Variants in GPC3 observed in about 807,000 individuals in gnomAD.
GPC3 encodes the protein glypican 3, also known as glypican-3.
A neutral mutation model predicts 34.4 loss-of-function variants in GPC3; 3 were observed. The observed-to-expected ratio is 0.09, with a 90% CI of 0.04 to 0.23. GPC3 has a LOEUF of 0.23. Among genes scored for constraint, GPC3 ranks in the 10% least tolerant of loss-of-function variants. The pLI is 1.00. For synonymous variants in GPC3, 177 were observed against 174.0 expected, an observed-to-expected ratio of 1.02 and a Z score of -0.13; for missense variants, 351 against 445.6, an observed-to-expected ratio of 0.79 and a Z score of 1.91.
At chrX:133,686,648 T>G (rs2071005531) in intron 5 of GPC3, among the ~76,000 whole-genome samples, 1 of 110,667 alleles carries the variant, frequency 9.0e-6, no homozygotes, top group Non-Finnish European at 1.9e-5. Flanking sequence ...GGTTTCCTTT[T>G]GGAGTGATGA....
chrX:133,611,935 G>A (rs1053527754), intron 6 of GPC3, among the ~76,000 whole-genome samples: 1 of 112,199 alleles, frequency 8.9e-6, no homozygotes, highest in Non-Finnish European at 1.9e-5. Flanking sequence ...CCATCTGTGA[G>A]CTGGCAATGA....
chrX:133,822,414 T>G (rs750319707), intron 2 of GPC3, among the ~76,000 whole-genome samples: 2 of 111,944 alleles, frequency 1.8e-5, no homozygotes, highest in South Asian at 7.5e-4. Context: ...AAGTTCTTAA[T>G]AAGGAAAGAG....
At chrX:133,879,289 G>A (rs947647460) in intron 2 of GPC3, among the ~76,000 whole-genome samples, 1 of 110,897 alleles carries the variant, frequency 9.0e-6, no homozygotes, top group Non-Finnish European at 1.9e-5. Context: ...TTCATTCCAT[G>A]TATAGAGTCC....
At chrX:133,873,221 A>G (rs2076001313) in intron 2 of GPC3, among the ~76,000 whole-genome samples, 2 of 112,186 alleles carry the variant, frequency 1.8e-5, no homozygotes, top group Admixed American at 1.9e-4. Flanking sequence ...CTGCCATCCC[A>G]GAAGTTTACT....
chrX:133,681,200 A>G (rs2070939581), intron 5 of GPC3, among the ~76,000 whole-genome samples: 1 of 111,848 alleles, frequency 8.9e-6, no homozygotes, highest in East Asian at 2.8e-4. Flanking sequence ...ATCTCCTGGA[A>G]TCTTTTCAAC....
At chrX:133,717,344 C>T (rs2071324144) in intron 3 of GPC3, among the ~76,000 whole-genome samples, 1 of 111,010 alleles carries the variant, frequency 9.0e-6, no homozygotes, top group African/African-American at 3.3e-5. Context: ...TTGTCTTATG[C>T]CCAATTTCTG....
At chrX:133,948,707 C>T (rs1023117378) in intron 2 of GPC3, among the ~76,000 whole-genome samples, 2 of 111,846 alleles carry the variant, frequency 1.8e-5, no homozygotes, top group Admixed American at 1.9e-4. Context: ...TTGCTCCTGG[C>T]AGTATTGACA....
intron 7 of GPC3, among the ~76,000 whole-genome samples, chrX:133,559,946 T>G (rs2069527442): frequency 1.8e-5 from 2 of 111,201 alleles, no homozygotes; most frequent in African/African-American, 6.6e-5. Flanking sequence ...TCATCTCTCT[T>G]TTTCTCTCTC....
intron 2 of GPC3, among the ~76,000 whole-genome samples, chrX:133,882,504 A>T (rs1454142733): frequency 9.0e-6 from 1 of 110,555 alleles, no homozygotes; most frequent in African/African-American, 3.3e-5. Flanking sequence ...CTTGATTTCT[A>T]TTTAAATGGC....
At chrX:133,747,143 C>G (rs975831518) in intron 3 of GPC3, among the ~76,000 whole-genome samples, 4 of 111,868 alleles carry the variant, frequency 3.6e-5, no homozygotes, top group African/African-American at 9.8e-5. Flanking sequence ...ATACCAAGGA[C>G]ACTCCGTACT....
chrX:133,844,988 G>A lies in GPC3; in HGVS notation c.338-90812C>T, dbSNP rs192948720. Among the ~76,000 whole-genome samples, 65 of 111,587 alleles carry A rather than the reference G, an allele frequency of 5.8e-4. 1 individual carries two copies. Among genetic ancestry groups the A allele is most frequent in the African/African-American group, 2.0e-3 (61 of 30,731 alleles). On this transcript the variant is annotated intron_variant, in intron 2 of 7. Coordinates refer to ENST00000370818, the MANE Select transcript of GPC3 (RefSeq NM_004484.4). ...GCCTGAGGGTCCCAGTTCAGAAGAC[G>A]GGGAGGTTGTAGGTAACAGCAGAAG...
At chrX:133,946,103 C>T (rs2076367210) in intron 2 of GPC3, among the ~76,000 whole-genome samples, 1 of 112,208 alleles carries the variant, frequency 8.9e-6, no homozygotes, top group African/African-American at 3.2e-5. Context: ...GAATCCCCCA[C>T]AGTACCTGCC....
intron 2 of GPC3, among the ~76,000 whole-genome samples, chrX:133,816,799 T>A (rs2075694016): frequency 9.0e-6 from 1 of 111,493 alleles, no homozygotes; most frequent in African/African-American, 3.3e-5. Context: ...AATCTATATA[T>A]CTCCACCCTC....
chrX:133,970,424 G>C, intron 1 of GPC3, among the ~76,000 whole-genome samples: 1 of 110,803 alleles, frequency 9.0e-6, no homozygotes, highest in East Asian at 2.8e-4. Context: ...GGTACTAATT[G>C]TTATTCCTGA....
intron 2 of GPC3, among the ~76,000 whole-genome samples, chrX:133,926,510 A>G (rs2076275300): frequency 8.9e-6 from 1 of 112,650 alleles, no homozygotes; most frequent in Admixed American, 9.4e-5. Flanking sequence ...CACACTCCAA[A>G]TGTGGATTAT....
At chrX:133,584,044 G>T (rs182617167) in intron 7 of GPC3, among the ~76,000 whole-genome samples, 82 of 111,570 alleles carry the variant, frequency 7.3e-4, no homozygotes, top group Admixed American at 1.3e-3. Context: ...CCACTCAGCT[G>T]AGTCCTTACT....
chrX:133,645,012 C>A (rs2070526781), intron 6 of GPC3, among the ~76,000 whole-genome samples: 1 of 111,729 alleles, frequency 9.0e-6, no homozygotes, highest in Admixed American at 9.5e-5. Flanking sequence ...AACTTCTGAC[C>A]TCAAGTGATC....
At chrX:133,710,319 C>G (rs1358150925) in intron 3 of GPC3, among the ~76,000 whole-genome samples, 2 of 111,949 alleles carry the variant, frequency 1.8e-5, no homozygotes, top group Non-Finnish European at 3.8e-5. Context: ...TTCAATAACT[C>G]TAGACAAGTC....
intron 5 of GPC3, among the ~76,000 whole-genome samples, chrX:133,685,252 ATTGT>A (rs1311506093): frequency 1.8e-5 from 2 of 111,497 alleles, no homozygotes; most frequent in Non-Finnish European, 3.8e-5. Flanking sequence ...CGGTCATTTA[ATTGT>A]TTGTATGATT....
Sources: gnomAD v4.1 joint callset for allele counts (sites outside exome capture counted in the v4.1 genomes callset) on GRCh38, gnomAD v4.1.1 for gene constraint, MANE v1.5 for transcripts, NCBI Gene and HGNC (gene_info 2026-07-23, HGNC 2026-07-21) for gene names.